GAS2: variants seen among roughly 807,000 people sequenced by gnomAD.
GAS2 encodes growth arrest-specific protein 2.
GAS2 carries 20 observed loss-of-function variants against 37.5 expected under a neutral mutation model. That is an observed-to-expected ratio of 0.53 (90% CI 0.37 to 0.77). The LOEUF (loss-of-function observed/expected upper bound fraction) is 0.77. GAS2 is among the 30% of genes least tolerant of loss of function. GAS2 has a pLI of 0.00. For synonymous variants in GAS2, 144 were observed against 132.2 expected (o/e 1.09, Z -0.61); for missense variants, 336 against 373.4 (o/e 0.90, Z 0.82).
In GAS2 at chr11:22,691,646, TATG is replaced by T. The variant is rs1244711061; in HGVS notation, c.267+5862_267+5864del. 3.2e-4 allele frequency among the ~76,000 whole-genome samples: 48 copies of T among 152,236 alleles called. 1 individual carries two copies. The highest frequency in any genetic ancestry group is 1.1e-3 in the African/African-American group (45 of 41,550). ...TGCTAGAATTAAACAGAGAATATAT[TATG>T]ATGAGATGGGAAGAATATAAGTGGC... On this transcript the variant is annotated intron_variant, in intron 3 of 7. Transcript: ENST00000454584.
chr11:22,627,717 G>A (rs1221600873), intron 1 of GAS2, among the ~76,000 whole-genome samples: 1 of 151,034 alleles, frequency 6.6e-6, no homozygotes, highest in Non-Finnish European at 1.5e-5. Flanking sequence ...GAAGGTTACA[G>A]TGAGCTGAGA....
At chr11:22,661,545 C>T (rs1236335053) in intron 1 of GAS2, among the ~76,000 whole-genome samples, 1 of 151,998 alleles carries the variant, frequency 6.6e-6, no homozygotes, top group Non-Finnish European at 1.5e-5. Flanking sequence ...CATAGAGTCA[C>T]AAAAAATATC....
intron 1 of GAS2, among the ~76,000 whole-genome samples, chr11:22,671,641 C>G (rs1465420156): frequency 2.6e-5 from 4 of 152,072 alleles, no homozygotes; most frequent in Admixed American, 1.3e-4. Context: ...TTCAAGAGAA[C>G]TGAAATGATC....
chr11:22,690,336 A>T (rs552115506), intron 3 of GAS2, among the ~76,000 whole-genome samples: 3 of 152,318 alleles, frequency 2.0e-5, no homozygotes, highest in East Asian at 1.9e-4. Flanking sequence ...AATACTCTGA[A>T]TGGAAATAAT....
intron 3 of GAS2, among the ~76,000 whole-genome samples, chr11:22,696,819 G>A (rs1312592789): frequency 2.0e-5 from 3 of 151,300 alleles, no homozygotes; most frequent in Admixed American, 2.0e-4. Context: ...ATTTGTTTGA[G>A]TTCATTGTAG....
intron 1 of GAS2, chr11:22,626,167 A>G: frequency 2.9e-6 from 1 of 344,392 alleles, no homozygotes; most frequent in Non-Finnish European, 5.6e-6. Flanking sequence ...TAAAACTAGA[A>G]TCTGTGTTGA....
chr11:22,714,403 G>T (rs181534353), intron 3 of GAS2, among the ~76,000 whole-genome samples: 287 of 152,192 alleles, frequency 1.9e-3, no homozygotes, highest in African/African-American at 6.1e-3. Context: ...TAGGAAATGA[G>T]ATAGGTGACA....
intron 3 of GAS2, among the ~76,000 whole-genome samples, chr11:22,708,901 A>G (rs1190799525): frequency 6.6e-6 from 1 of 152,190 alleles, no homozygotes; most frequent in African/African-American, 2.4e-5. Flanking sequence ...GCAAAGAAAT[A>G]TGGGAAGAGC....
chr11:22,663,013 C>T (rs1848932071), upstream of GAS2, among the ~76,000 whole-genome samples: 1 of 152,130 alleles, frequency 6.6e-6, no homozygotes, highest in African/African-American at 2.4e-5. Flanking sequence ...ACTCACAGTT[C>T]TGCATGGCTG....
chr11:22,752,997 T>G (rs1853829503), intron 6 of GAS2, among the ~76,000 whole-genome samples: 2 of 152,102 alleles, frequency 1.3e-5, no homozygotes, highest in South Asian at 4.1e-4. Context: ...GAGTCAGGTT[T>G]AGTTCTCCTC....
chr11:22,804,570 T>A (rs976993588), intron 7 of GAS2, among the ~76,000 whole-genome samples: 2 of 152,052 alleles, frequency 1.3e-5, no homozygotes, highest in East Asian at 1.9e-4. Flanking sequence ...CAAGTGTGAA[T>A]GTAACTATCA....
intron 7 of GAS2, among the ~76,000 whole-genome samples, chr11:22,786,027 G>A (rs866868392): frequency 1.3e-5 from 2 of 152,044 alleles, no homozygotes; most frequent in Admixed American, 6.6e-5. Flanking sequence ...TTTCTAAGGG[G>A]AGTTTTGGTT....
chr11:22,681,105 T>C (rs1031511790), intron 2 of GAS2, among the ~76,000 whole-genome samples: 1 of 152,212 alleles, frequency 6.6e-6, no homozygotes, highest in Admixed American at 6.5e-5. Flanking sequence ...ATACTGCTAA[T>C]TTATTGGGAA....
At chr11:22,780,557 C>CAAAAAAAA (rs34289288) in intron 7 of GAS2, among the ~76,000 whole-genome samples, 2 of 90,338 alleles carry the variant, frequency 2.2e-5, no homozygotes, top group African/African-American at 9.1e-5. Context: ...GACTCTGTCT[C>CAAAAAAAA]AAAAAAAAAA....
At chr11:22,675,047 G>A (rs1430759938) in intron 2 of GAS2, 33 bp downstream of exon 2, 2 of 1,604,466 alleles carry the variant, frequency 1.2e-6, no homozygotes, top group Admixed American at 1.7e-5. Context: ...TGTGAGCAAA[G>A]ACAACAGTTT....
At chr11:22,800,845 GT>G (rs1856631858) in intron 7 of GAS2, among the ~76,000 whole-genome samples, 1 of 151,976 alleles carries the variant, frequency 6.6e-6, no homozygotes, top group Non-Finnish European at 1.5e-5. Context: ...CTGTTGGGTA[GT>G]TTTTATTTTT....
At chr11:22,650,724 G>C (rs2133830842) in intron 1 of GAS2, among the ~76,000 whole-genome samples, 1 of 152,272 alleles carries the variant, frequency 6.6e-6, no homozygotes, top group Non-Finnish European at 1.5e-5. Flanking sequence ...TGTTTTGTCA[G>C]AGACTAGAAT....
At chr11:22,768,208 ATGT>A (rs1854792588) in intron 7 of GAS2, among the ~76,000 whole-genome samples, 1 of 152,220 alleles carries the variant, frequency 6.6e-6, no homozygotes, top group Non-Finnish European at 1.5e-5. Context: ...TTGGGTTTAC[ATGT>A]TGTCCTAGGA....
At chr11:22,779,968 G>A (rs1283786558) in intron 7 of GAS2, among the ~76,000 whole-genome samples, 1 of 152,118 alleles carries the variant, frequency 6.6e-6, no homozygotes, top group Non-Finnish European at 1.5e-5. Context: ...AATCTTTGCT[G>A]TGTTTTCTTC....
Sources: gnomAD v4.1 joint callset for allele counts (sites outside exome capture counted in the v4.1 genomes callset) on GRCh38, gnomAD v4.1.1 for gene constraint, MANE v1.5 for transcripts, NCBI Gene and HGNC (gene_info 2026-07-23, HGNC 2026-07-21) for gene names.